Variants in MOK observed in about 807,000 individuals in gnomAD.
MOK encodes the protein MOK protein kinase.
MOK carries 59 observed loss-of-function variants against 54.2 expected under a neutral mutation model. That is an observed-to-expected ratio of 1.09 (90% CI 0.88 to 1.35). The LOEUF (loss-of-function observed/expected upper bound fraction) is 1.35, where lower values mean the gene tolerates loss of function less well. MOK is among the 40% of genes most tolerant of loss of function. MOK has a pLI of 0.00. For synonymous variants in MOK, 210 were observed against 202.7 expected (o/e 1.04, Z -0.31); for missense variants, 517 against 526.2 (o/e 0.98, Z 0.17).
downstream of MOK, chr14:102,223,389 ATTGT>A (rs1226341038): frequency 6.5e-6 from 1 of 152,706 alleles, no homozygotes; most frequent in Non-Finnish European, 1.5e-5. Flanking sequence ...ATTTTAAAAA[ATTGT>A]TTGCACTTAA....
At chr14:102,224,179 C>CT, downstream of MOK, among the ~76,000 whole-genome samples, 1 of 151,574 alleles carries the variant, frequency 6.6e-6, no homozygotes. Context: ...GTAGCTGGGA[C>CT]TACAGGCGCC....
At chr14:102,256,467 G>A (rs559820309) in intron 4 of MOK, among the ~76,000 whole-genome samples, 3 of 151,912 alleles carry the variant, frequency 2.0e-5, no homozygotes, top group East Asian at 1.9e-4. Context: ...CCAGCTACTC[G>A]GGAGGCTGAG....
chr14:102,255,251 G>C (rs1377302587), intron 4 of MOK, among the ~76,000 whole-genome samples: 2 of 152,172 alleles, frequency 1.3e-5, no homozygotes, highest in Non-Finnish European at 2.9e-5. Context: ...CTGGGAGGCG[G>C]AGCTTGCAGT....
At chr14:102,225,832 C>T (rs960954585), downstream of MOK, 7 of 172,202 alleles carry the variant, frequency 4.1e-5, no homozygotes, top group East Asian at 1.8e-4. Context: ...AGCGAGGCAG[C>T]GTCAAGGCTG....
intron 2 of MOK, among the ~76,000 whole-genome samples, chr14:102,272,358 C>G (rs1041672263): frequency 1.3e-5 from 2 of 152,004 alleles, no homozygotes; most frequent in African/African-American, 4.8e-5. Flanking sequence ...CATGGTGGCA[C>G]GCGCCTGTAA....
chr14:102,267,175 A>G (rs959555168), intron 2 of MOK, among the ~76,000 whole-genome samples: 22 of 152,252 alleles, frequency 1.4e-4, no homozygotes, highest in African/African-American at 5.3e-4. Flanking sequence ...TCAACTGGCA[A>G]ATTCTGTTCT....
intron 2 of MOK, among the ~76,000 whole-genome samples, chr14:102,276,475 T>C (rs1183965394): frequency 1.3e-5 from 2 of 151,840 alleles, no homozygotes; most frequent in African/African-American, 2.4e-5. Flanking sequence ...ACACTCTGTC[T>C]CAAATAAATA....
rs1230793760 is a variant in MOK at position 102,229,676 on chromosome 14, C to T, written c.982-19G>A. 1.9e-6 allele frequency: 3 copies of T among 1,569,544 alleles called. No homozygotes were observed. The highest frequency in any genetic ancestry group is 3.9e-5 in the Admixed American group (2 of 50,964). On this transcript the variant is annotated intron_variant, in intron 10 of 11. Coordinates refer to ENST00000361847, the MANE Select transcript of MOK (RefSeq NM_014226.3). The stretch of plus-strand genomic sequence containing the variant: ...ACTGTTTCTTGAAACAGAACAGAGG[C>T]CAGTTGGACATAAAACGCTTTCTGC...
At chr14:102,226,923 CTCGACACTGCT>C (rs2064274154), downstream of MOK, among the ~76,000 whole-genome samples, 1 of 152,160 alleles carries the variant, frequency 6.6e-6, no homozygotes, top group African/African-American at 2.4e-5. The surrounding 1 kb of genome is among the most constrained non-coding windows in gnomAD (Gnocchi z 4.8). Flanking sequence ...GCGTGCCGGG[CTCGACACTGCT>C]TCAGAGCGTT....
chr14:102,296,550 G>C (rs1567249841), intron 1 of MOK, among the ~76,000 whole-genome samples: 1 of 152,196 alleles, frequency 6.6e-6, no homozygotes, highest in African/African-American at 2.4e-5. Flanking sequence ...TCTATGGTTT[G>C]GATTTATCAC....
At chr14:102,290,927 C>A (rs2070702824) in intron 1 of MOK, among the ~76,000 whole-genome samples, 1 of 152,092 alleles carries the variant, frequency 6.6e-6, no homozygotes, top group African/African-American at 2.4e-5. Context: ...GTTAACATCC[C>A]CCAGCACCGC....
intron 1 of MOK, among the ~76,000 whole-genome samples, chr14:102,289,262 CAG>C (rs1344024357): frequency 2.7e-5 from 4 of 150,940 alleles, no homozygotes; most frequent in Non-Finnish European, 5.9e-5. Flanking sequence ...AAAAAAAAAA[CAG>C]AGTTAGGAAT....
At chr14:102,294,152 A>G (rs777160731) in intron 1 of MOK, among the ~76,000 whole-genome samples, 8 of 150,920 alleles carry the variant, frequency 5.3e-5, no homozygotes, top group Non-Finnish European at 1.2e-4. Context: ...ATACAAAAAA[A>G]TTAGCCAGGT....
rs764813682 is a variant in MOK, at chr14:102,229,188, C to G, written c.*101G>C. 2.4e-4 allele frequency: 300 copies of G among 1,270,044 alleles called. 1 individual carries two copies. Among genetic ancestry groups the G allele is most frequent in the Admixed American group, 5.1e-4 (21 of 40,904 alleles). The allele number at this position is 1,270,044 out of a possible 1,614,324, so 78.7% of individuals were successfully genotyped here. A position where few individuals can be genotyped will look rare whatever the true frequency, so the allele number is the denominator to read the frequency against. On this transcript the variant is annotated 3_prime_UTR_variant, in exon 12 of 12. Transcript: ENST00000361847. The stretch of plus-strand genomic sequence containing the variant: ...CCGGCCAGCGCGAAACGGACGCAGG[C>G]GCATCCCCAGCCCTCCGTGGCGTCT...
chr14:102,279,350 A>C (rs1324275954), intron 2 of MOK, among the ~76,000 whole-genome samples: 2 of 152,112 alleles, frequency 1.3e-5, no homozygotes, highest in East Asian at 3.9e-4. Context: ...GCTGGAGTGC[A>C]GTGGCACAAT....
rs2065654878 is a variant in MOK at position 102,240,797 on chromosome 14, G to A, written c.591-7008C>T. Among the ~76,000 whole-genome samples, 1 of 152,162 alleles carries A rather than the reference G, an allele frequency of 6.6e-6. No homozygotes were observed. The highest frequency in any genetic ancestry group is 6.5e-5 in the Admixed American group (1 of 15,270). ...CTGCTCACCCACATTGCAGCCCAGG[G>A]CTGCTCACCACCCTCCTTATCTGTG... On this transcript the variant is annotated intron_variant, in intron 7 of 11. Coordinates refer to ENST00000361847, the MANE Select transcript of MOK (RefSeq NM_014226.3). The surrounding 1 kb of genome is among the most constrained non-coding windows in gnomAD (Gnocchi z 5.4).
At position 102,257,429 on chromosome 14, in the gene MOK, T is replaced by G. The variant is rs888636064; in HGVS notation, c.284-5434A>C. On this transcript the variant is annotated intron_variant, in intron 4 of 11. Coordinates refer to ENST00000361847, the MANE Select transcript of MOK (RefSeq NM_014226.3). ...CTTCCTATAGGCCAAGCCCAGAGTC[T>G]GCTTCTTCAGTCCTCCCAACAATTC... 5.9e-5 allele frequency among the ~76,000 whole-genome samples: 9 copies of G among 152,314 alleles called. No homozygotes were observed. The Middle Eastern group carries it at 0.01, about 173-fold the overall frequency.
intron 1 of MOK, among the ~76,000 whole-genome samples, chr14:102,300,884 G>A (rs1447407660): frequency 1.3e-5 from 2 of 152,172 alleles, no homozygotes; most frequent in Admixed American, 1.3e-4. Context: ...ATCACCTGAG[G>A]TCAGGAGTTC....
In MOK at chr14:102,305,163, C is replaced by T. The variant is rs868574439; in HGVS notation, c.-195G>A. 4 of 688,846 alleles carry T rather than the reference C, an allele frequency of 5.8e-6. No individual in the cohort carries two copies. Among genetic ancestry groups the T allele is most frequent in the Middle Eastern group, 3.3e-4 (1 of 3,020 alleles). The allele number at this position is 688,846 out of a possible 1,614,324, so 42.7% of individuals were successfully genotyped here. The stretch of plus-strand genomic sequence containing the variant: ...CTGTCACCCTAGCAACCGTCAGGCC[C>T]TGAACGCCATGAGCTGTCGCCTGCG... On this transcript the variant is annotated 5_prime_UTR_variant, in exon 1 of 12. Transcript: ENST00000361847.
Sources: gnomAD v4.1 joint callset for allele counts (sites outside exome capture counted in the v4.1 genomes callset) on GRCh38, gnomAD v4.1.1 for gene constraint, Gnocchi (gnomAD v3.1) non-coding constraint, MANE v1.5 for transcripts, NCBI Gene and HGNC (gene_info 2026-07-23, HGNC 2026-07-21) for gene names.